The following PTPRM variants were observed in gnomAD, a reference collection of about 807,000 sequenced individuals.
PTPRM encodes receptor-type tyrosine-protein phosphatase mu.
In PTPRM, 47 loss-of-function variants were observed where a neutral mutation model predicts 186.7. The ratio of observed to expected loss-of-function variants is 0.25; its 90% CI spans 0.20 to 0.32. PTPRM has a LOEUF of 0.32. PTPRM is among the 10% of genes least tolerant of loss of function. PTPRM has a pLI of 1.00. For missense variants in PTPRM, 1,494 were observed against 1,865.0 expected (o/e 0.80, Z 3.66); for synonymous variants, 668 against 674.9 (o/e 0.99, Z 0.16).
chr18:7,809,982 C>G (rs940592935), intron 2 of PTPRM, among the ~76,000 whole-genome samples: 4 of 152,126 alleles, frequency 2.6e-5, no homozygotes, highest in Non-Finnish European at 5.9e-5. Context: ...AACAGATTGT[C>G]CAGAGAGAGT....
intron 14 of PTPRM, among the ~76,000 whole-genome samples, chr18:8,199,113 A>G (rs781769565): frequency 7.2e-5 from 11 of 152,046 alleles, no homozygotes; most frequent in African/African-American, 1.7e-4. Context: ...TTTTCTTCAT[A>G]ATAATAACAC....
At chr18:8,186,922 G>C (rs1295383068) in intron 14 of PTPRM, among the ~76,000 whole-genome samples, 2 of 151,904 alleles carry the variant, frequency 1.3e-5, no homozygotes, top group African/African-American at 2.4e-5. Flanking sequence ...GAGTGGGCAA[G>C]GAGGGCCTCC....
chr18:7,797,342 T>C (rs2043715122), intron 2 of PTPRM, among the ~76,000 whole-genome samples: 1 of 152,206 alleles, frequency 6.6e-6, no homozygotes, highest in African/African-American at 2.4e-5. Context: ...CTCCTGTTGC[T>C]TTGTGTGGAG....
chr18:8,025,260 G>C (rs1352238134), intron 7 of PTPRM, among the ~76,000 whole-genome samples: 1 of 152,052 alleles, frequency 6.6e-6, no homozygotes. Context: ...GTGGTACTTT[G>C]GTCTACATGT....
rs558183862 is a variant in PTPRM at position 8,012,010 on chromosome 18, A to G, written c.1132+56596A>G. Among the ~76,000 whole-genome samples the G allele has an allele frequency of 2.0e-5, 3 of 152,158 alleles. No individual in the cohort carries two copies. In the South Asian group the frequency reaches 6.2e-4, roughly 32 times the overall value. On this transcript the variant is annotated intron_variant, in intron 7 of 32. Transcript: ENST00000580170. ...ATCCCTCCTTTTTGTAGAGAAGAAA[A>G]CCAGGATTTGTTGCCACCGTGGTTT...
At chr18:7,782,189 A>G (rs4606807) in intron 2 of PTPRM, among the ~76,000 whole-genome samples, 1 of 152,150 alleles carries the variant, frequency 6.6e-6, no homozygotes, top group Non-Finnish European at 1.5e-5. Context: ...GGCTCTGTGT[A>G]GCCTCTTTTC....
chr18:7,720,888 T>C (rs955995042), intron 1 of PTPRM, among the ~76,000 whole-genome samples: 3 of 152,178 alleles, frequency 2.0e-5, no homozygotes, highest in Admixed American at 2.0e-4. Flanking sequence ...CAGTAGACTC[T>C]TGGGTTGCTT....
intron 2 of PTPRM, among the ~76,000 whole-genome samples, chr18:7,834,379 G>A (rs2045913899): frequency 6.8e-6 from 1 of 147,628 alleles, no homozygotes; most frequent in Non-Finnish European, 1.5e-5. Flanking sequence ...ATATTGGCCT[G>A]TATTTTATAT....
chr18:7,936,350 CA>C (rs2146910533), intron 5 of PTPRM, among the ~76,000 whole-genome samples: 1 of 152,368 alleles, frequency 6.6e-6, no homozygotes, highest in South Asian at 2.1e-4. Flanking sequence ...CCTGCACCTG[CA>C]GGCTTCGAAG....
Position 7,568,022 on chromosome 18 carries a change from C to A in PTPRM, c.73+131C>A. 1 of 844,606 alleles carries A rather than the reference C, an allele frequency of 1.2e-6. No individual in the cohort carries two copies. Among genetic ancestry groups the A allele is most frequent in the Non-Finnish European group, 1.6e-6 (1 of 618,358 alleles). 52.3% of individuals were successfully genotyped at this position (844,606 alleles called of 1,614,324 possible). A position where few individuals can be genotyped will look rare whatever the true frequency, so the allele number is the denominator to read the frequency against. ...CGGGCGGGGGGCGCGGCGGGCCGGA[C>A]ACCGCTTCTGCCTGTGAGCCGGGCG... is the stretch of plus-strand genomic sequence containing the variant. On this transcript the variant is annotated intron_variant, in intron 1 of 32. Coordinates refer to ENST00000580170, the MANE Select transcript of PTPRM (RefSeq NM_001105244.2). The surrounding 1 kb of genome is among the most constrained non-coding windows in gnomAD (Gnocchi z 5.1).
intron 2 of PTPRM, among the ~76,000 whole-genome samples, chr18:7,860,490 A>G (rs1046068577): frequency 4.6e-5 from 7 of 152,096 alleles, no homozygotes; most frequent in Admixed American, 4.6e-4. Flanking sequence ...GTCTTGTTCA[A>G]TCTCAGATCC....
At chr18:7,801,917 C>T (rs976744617) in intron 2 of PTPRM, among the ~76,000 whole-genome samples, 2 of 152,178 alleles carry the variant, frequency 1.3e-5, no homozygotes, top group East Asian at 3.8e-4. Context: ...AACATGAAAC[C>T]TGGCTAGCAT....
At chr18:7,712,444 T>C (rs2040232596) in intron 1 of PTPRM, among the ~76,000 whole-genome samples, 1 of 151,922 alleles carries the variant, frequency 6.6e-6, no homozygotes, top group Admixed American at 6.6e-5. Flanking sequence ...AAAACTGGAA[T>C]GCCGAATGCC....
intron 14 of PTPRM, among the ~76,000 whole-genome samples, chr18:8,217,279 A>G (rs1401398504): frequency 1.3e-5 from 2 of 152,030 alleles, no homozygotes; most frequent in South Asian, 2.1e-4. Flanking sequence ...AGTCTTGCGC[A>G]TAAGTCGGCA....
At chr18:8,035,846 C>T (rs943693508) in intron 7 of PTPRM, among the ~76,000 whole-genome samples, 16 of 152,014 alleles carry the variant, frequency 1.1e-4, no homozygotes, top group African/African-American at 2.9e-4. Context: ...TTTTGTATCT[C>T]GATTATTTTT....
intron 1 of PTPRM, among the ~76,000 whole-genome samples, chr18:7,705,643 A>G (rs1033807238): frequency 2.0e-5 from 3 of 151,850 alleles, no homozygotes; most frequent in African/African-American, 7.3e-5. Flanking sequence ...GTTGGTTCAT[A>G]GTTTTTTTGT....
At chr18:7,822,151 A>C (rs1268274860) in intron 2 of PTPRM, among the ~76,000 whole-genome samples, 2 of 152,192 alleles carry the variant, frequency 1.3e-5, no homozygotes, top group Admixed American at 1.3e-4. Flanking sequence ...CTTTTAAACT[A>C]TACTTTACCT....
intron 1 of PTPRM, among the ~76,000 whole-genome samples, chr18:7,660,065 G>T (rs1439157332): frequency 6.6e-6 from 1 of 152,152 alleles, no homozygotes; most frequent in Non-Finnish European, 1.5e-5. Context: ...TTCTGGCTGG[G>T]TGCAGTGGCT....
At chr18:7,873,627 A>G (rs2048085892) in intron 2 of PTPRM, among the ~76,000 whole-genome samples, 1 of 152,170 alleles carries the variant, frequency 6.6e-6, no homozygotes, top group Admixed American at 6.5e-5. Flanking sequence ...GGAGTGGGGG[A>G]AGTCAAGATG....
Sources: gnomAD v4.1 joint callset for allele counts (sites outside exome capture counted in the v4.1 genomes callset) on GRCh38, gnomAD v4.1.1 for gene constraint, Gnocchi (gnomAD v3.1) non-coding constraint, MANE v1.5 for transcripts, NCBI Gene and HGNC (gene_info 2026-07-23, HGNC 2026-07-21) for gene names.